HSPA12B: variants seen among roughly 807,000 people sequenced by gnomAD.
HSPA12B encodes heat shock 70 kDa protein 12B.
A neutral mutation model predicts 69.3 loss-of-function variants in HSPA12B; 54 were observed. The observed-to-expected ratio is 0.78, with a 90% CI of 0.63 to 0.98. HSPA12B has a LOEUF of 0.98. HSPA12B is among the 50% of genes least tolerant of loss of function. HSPA12B has a pLI of 0.00. For synonymous variants in HSPA12B, 441 were observed against 436.5 expected, an observed-to-expected ratio of 1.01 and a Z score of -0.13; for missense variants, 929 against 999.8, an observed-to-expected ratio of 0.93 and a Z score of 0.96.
Position 3,751,673 on chromosome 20 carries a change from G to A in HSPA12B, c.1568G>A (p.Gly523Asp). 2 of 1,511,264 alleles carry A rather than the reference G, an allele frequency of 1.3e-6. No individual in the cohort carries two copies. The highest frequency in any genetic ancestry group is 2.5e-5 in the South Asian group (2 of 81,316). 93.6% of individuals were successfully genotyped at this position (1,511,264 alleles called of 1,614,324 possible). ...PHDVGLTILK[G>D]AVLFGQAPGV... ...GACGTGGGCCTCACCATCCTCAAAG[G>A]CGCGGTGCTGTTCGGCCAGGCGCCG... The change falls in exon 13 of 13, where the codon GGC becomes GAC. Residue 523 changes from glycine to aspartate, a missense_variant. Coordinates refer to ENST00000254963, the MANE Select transcript of HSPA12B (RefSeq NM_052970.5).
At position 3,749,634 on chromosome 20, in the gene HSPA12B, C is replaced by T; in HGVS notation, c.938-116C>T. The T allele has an allele frequency of 2.7e-6, 2 of 753,372 alleles. No homozygotes were observed. Among genetic ancestry groups the T allele is most frequent in the Non-Finnish European group, 4.2e-6 (2 of 472,292 alleles). 46.7% of individuals were successfully genotyped at this position (753,372 alleles called of 1,614,324 possible). On this transcript the variant is annotated intron_variant, in intron 9 of 12. Transcript: ENST00000254963. The surrounding 1 kb of genome is among the most constrained non-coding windows in gnomAD (Gnocchi z 5.5). ...AAGCCCCTCACGTCCCTCCCCCGACCCTGCAGACAGGCCTTGGGACCCGGG... is the reference window on the plus strand; with the variant it reads ...AAGCCCCTCACGTCCCTCCCCCGACTCTGCAGACAGGCCTTGGGACCCGGG...
rs1387649600 is a variant in HSPA12B at position 3,748,210 on chromosome 20, T to C, written c.676-7T>C. On this transcript the variant is annotated splice_polypyrimidine_tract_variant and splice_region_variant and intron_variant, in intron 7 of 12. Transcript: ENST00000254963. ...GCTGCCTGACCCTGCCCACCACCCA[T>C]CCCCAGGCTGGACTAGTGTCCCGAG... is the stretch of plus-strand genomic sequence containing the variant. 6.5e-7 allele frequency: 1 copy of C among 1,543,076 alleles called. No individual in the cohort carries two copies. Among genetic ancestry groups the C allele is most frequent in the African/African-American group, 1.4e-5 (1 of 72,532 alleles).
chr20:3,744,970 A>AG lies in HSPA12B; in HGVS notation c.338dup (p.Ala114ArgfsTer15). On this transcript the variant is annotated frameshift_variant, in exon 5 of 13. Transcript: ENST00000254963. LOFTEE classifies it high-confidence loss of function. This position sits in a 1 kb window ranked among gnomAD's most constrained non-coding sequence, Gnocchi z 4.9. ...CCGACCTGCCTGCTGCTGACTCCGG[A>AG]GGGCGCCTTCCACAGCTTTGGCTAC... The AG allele has an allele frequency of 6.2e-7, 1 of 1,613,876 alleles. No individual in the cohort carries two copies. The highest frequency in any genetic ancestry group is 8.5e-7 in the Non-Finnish European group (1 of 1,180,026).
At chr20:3,747,855 CCAGCGCT>C (rs1568477789) in intron 7 of HSPA12B, among the ~76,000 whole-genome samples, 1 of 152,278 alleles carries the variant, frequency 6.6e-6, no homozygotes, top group Non-Finnish European at 1.5e-5. Context: ...ATACCCCCAG[CCAGCGCT>C]CAGCTGGCCG....
chr20:3,738,033 C>A (rs2088135661), intron 1 of HSPA12B, among the ~76,000 whole-genome samples: 1 of 152,030 alleles, frequency 6.6e-6, no homozygotes, highest in Non-Finnish European at 1.5e-5. Context: ...TGAGTCATGC[C>A]CCCACCCCAC....
chr20:3,745,447 G>T lies in HSPA12B; in HGVS notation c.454-46G>T, dbSNP rs1212893411. 7.3e-7 allele frequency: 1 copy of T among 1,370,534 alleles called. No individual in the cohort carries two copies. The highest frequency in any genetic ancestry group is 2.3e-5 in the East Asian group (1 of 43,674). The allele number at this position is 1,370,534 out of a possible 1,614,324, so 84.9% of individuals were successfully genotyped here. A position where few individuals can be genotyped will look rare whatever the true frequency, so the allele number is the denominator to read the frequency against. On this transcript the variant is annotated intron_variant, in intron 5 of 12. Coordinates refer to ENST00000254963, the MANE Select transcript of HSPA12B (RefSeq NM_052970.5). This position sits in a 1 kb window ranked among gnomAD's most constrained non-coding sequence, Gnocchi z 5.6. ...TAAGAGCGAGGTCGTCAGGAAATGA[G>T]TGCCAAGCTGAGGCCTCCTGCAGAG... is the stretch of plus-strand genomic sequence containing the variant.
rs41279392 is a variant in HSPA12B at position 3,753,043 on chromosome 20, C to G, written c.*877C>G. On this transcript the variant is annotated 3_prime_UTR_variant, in exon 13 of 13. Transcript: ENST00000254963. ...TGAAATGTCAGGCACTTCCCTCTAACTGGCATGCAACAGCCCCACCTGCCT... is the reference window on the plus strand; with the variant it reads ...TGAAATGTCAGGCACTTCCCTCTAAGTGGCATGCAACAGCCCCACCTGCCT... 1 of 153,266 alleles carries G rather than the reference C, an allele frequency of 6.5e-6. No homozygotes were observed. Among genetic ancestry groups the G allele is most frequent in the Non-Finnish European group, 1.5e-5 (1 of 68,082 alleles). The allele number at this position is 153,266 out of a possible 1,614,324, so 9.5% of individuals were successfully genotyped here.
In HSPA12B at chr20:3,745,457, G is replaced by A; in HGVS notation, c.454-36G>A. On this transcript the variant is annotated intron_variant, in intron 5 of 12. Transcript: ENST00000254963. This position sits in a 1 kb window ranked among gnomAD's most constrained non-coding sequence, Gnocchi z 5.6. ...GTCGTCAGGAAATGAGTGCCAAGCT[G>A]AGGCCTCCTGCAGAGCCGCCCTGTG... 7 of 1,479,320 alleles carry A rather than the reference G, an allele frequency of 4.7e-6. No homozygotes were observed. The highest frequency in any genetic ancestry group is 5.7e-6 in the Non-Finnish European group (6 of 1,057,234). 91.6% of individuals were successfully genotyped at this position (1,479,320 alleles called of 1,614,324 possible).
At chr20:3,738,390 C>T (rs2088141001) in intron 1 of HSPA12B, among the ~76,000 whole-genome samples, 1 of 152,154 alleles carries the variant, frequency 6.6e-6, no homozygotes, top group African/African-American at 2.4e-5. Context: ...TTTTTTGACA[C>T]AAGCTGGGAA....
rs776676878 is a variant in HSPA12B, at chr20:3,738,700, T to G, written c.26T>G (p.Leu9Arg). 10 of 1,614,174 alleles carry G rather than the reference T, an allele frequency of 6.2e-6. No individual in the cohort carries two copies. The highest frequency in any genetic ancestry group is 8.5e-6 in the Non-Finnish European group (10 of 1,180,026). The change falls in exon 2 of 13, where the codon CTG (leucine) becomes CGG (arginine). Residue 9 changes from leucine (L) to arginine (R), a missense_variant. This residue lies in a region of HSPA12B where 477 missense variants were observed against 535.2 expected (regional missense o/e 0.89). Coordinates refer to ENST00000254963, the MANE Select transcript of HSPA12B (RefSeq NM_052970.5). Reference sequence around the variant, plus strand: ...ATGTTGGCTGTCCCGGAGATGGGCCTGCAGGGGCTGTACATCGGTAAGAAC... The same window carrying G: ...ATGTTGGCTGTCCCGGAGATGGGCCGGCAGGGGCTGTACATCGGTAAGAAC... Reference protein sequence around the residue: MLAVPEMGLQGLYIGSSPE... With the variant: MLAVPEMGRQGLYIGSSPE...
In HSPA12B at chr20:3,745,115, G is replaced by A; in HGVS notation, c.453+27G>A. 6.3e-7 allele frequency: 1 copy of A among 1,597,790 alleles called. No homozygotes were observed. The highest frequency in any genetic ancestry group is 8.6e-7 in the Non-Finnish European group (1 of 1,168,500). On this transcript the variant is annotated intron_variant, in intron 5 of 12. Coordinates refer to ENST00000254963, the MANE Select transcript of HSPA12B (RefSeq NM_052970.5). This position sits in a 1 kb window ranked among gnomAD's most constrained non-coding sequence, Gnocchi z 5.6. ...TGAGTCACAGGGCTCCAGACAGGGAGGCGGGGCCAGCATGGAAAAGGGCAG... is the reference window on the plus strand; with the variant it reads ...TGAGTCACAGGGCTCCAGACAGGGAAGCGGGGCCAGCATGGAAAAGGGCAG...
In HSPA12B at chr20:3,750,804, C is replaced by T. The variant is rs753603589; in HGVS notation, c.1302C>T (p.Ser434=). 9 of 1,613,650 alleles carry T rather than the reference C, an allele frequency of 5.6e-6. No individual in the cohort carries two copies. In the African/African-American group the frequency reaches 9.3e-5, roughly 17 times the overall value. ...TATTTGCCCCTTTCACCACCAACAG[C>T]GTGAACTTCGTGAAGTGGTCCTCAC... is the stretch of plus-strand genomic sequence containing the variant. ...HNVETALRRS[S]VNFVKWSSQG... The change falls in exon 12 of 13, where the codon AGC becomes AGT. Residue 434 remains serine, a splice_region_variant and synonymous_variant. Transcript: ENST00000254963.
chr20:3,747,545 T>G (rs1322625332), intron 7 of HSPA12B, among the ~76,000 whole-genome samples: 1 of 152,212 alleles, frequency 6.6e-6, no homozygotes, highest in Non-Finnish European at 1.5e-5. Flanking sequence ...CTGGTCAGAA[T>G]CTGGGGAACC....
rs937607584 is a variant in HSPA12B at position 3,745,184 on chromosome 20, C to T, written c.453+96C>T. 2 of 1,147,868 alleles carry T rather than the reference C, an allele frequency of 1.7e-6. No homozygotes were observed. Among genetic ancestry groups the T allele is most frequent in the Admixed American group, 2.0e-5 (1 of 49,574 alleles). 71.1% of individuals were successfully genotyped at this position (1,147,868 alleles called of 1,614,324 possible). ...GGACAAAACCAAAACGTGTGAGGAC[C>T]GGCCCGATGGAGTCGTGGCTGAGAG... On this transcript the variant is annotated intron_variant, in intron 5 of 12. Coordinates refer to ENST00000254963, the MANE Select transcript of HSPA12B (RefSeq NM_052970.5). This position sits in a 1 kb window ranked among gnomAD's most constrained non-coding sequence, Gnocchi z 5.6.
intron 7 of HSPA12B, among the ~76,000 whole-genome samples, chr20:3,746,612 G>A (rs1185890456): frequency 6.6e-6 from 1 of 152,190 alleles, no homozygotes; most frequent in Non-Finnish European, 1.5e-5. Flanking sequence ...AAGATGGAGA[G>A]TCTTATATGT....
Position 3,749,716 on chromosome 20 carries a change from G to T in HSPA12B, c.938-34G>T, listed in dbSNP as rs1229756620. ...GGCGCAGGGCTGAGGGTGCGAGGCCGCCCACGAGTGTGTGCCCGCGCTCGC... is the reference window on the plus strand; with the variant it reads ...GGCGCAGGGCTGAGGGTGCGAGGCCTCCCACGAGTGTGTGCCCGCGCTCGC... On this transcript the variant is annotated intron_variant, in intron 9 of 12. Transcript: ENST00000254963. This position sits in a 1 kb window ranked among gnomAD's most constrained non-coding sequence, Gnocchi z 5.5. The T allele has an allele frequency of 6.8e-7, 1 of 1,472,788 alleles. No homozygotes were observed. Among genetic ancestry groups the T allele is most frequent in the Non-Finnish European group, 9.2e-7 (1 of 1,087,906 alleles). 91.2% of individuals were successfully genotyped at this position (1,472,788 alleles called of 1,614,324 possible). A position where few individuals can be genotyped will look rare whatever the true frequency, so the allele number is the denominator to read the frequency against.
chr20:3,737,078 A>G lies in HSPA12B; in HGVS notation c.-17-1580A>G, dbSNP rs1316167556. Among the ~76,000 whole-genome samples the G allele has an allele frequency of 9.1e-6, 1 of 109,540 alleles. No individual in the cohort carries two copies. Among genetic ancestry groups the G allele is most frequent in the Non-Finnish European group, 2.0e-5 (1 of 51,280 alleles). 71.9% of individuals were successfully genotyped at this position (109,540 alleles called of 152,430 possible). A position where few individuals can be genotyped will look rare whatever the true frequency, so the allele number is the denominator to read the frequency against. On this transcript the variant is annotated intron_variant, in intron 1 of 12. Transcript: ENST00000254963. The surrounding 1 kb of genome is among the most constrained non-coding windows in gnomAD (Gnocchi z 4.1). ...CTCAAAAATAAATAAATAAATAAATAAATAAATAAATAAATAAATAAATAA... is the reference window on the plus strand; with the variant it reads ...CTCAAAAATAAATAAATAAATAAATGAATAAATAAATAAATAAATAAATAA...
rs1022093884 is a variant in HSPA12B, at chr20:3,740,019, G to A, written c.44-796G>A. Among the ~76,000 whole-genome samples, 2 of 152,098 alleles carry A rather than the reference G, an allele frequency of 1.3e-5. No individual in the cohort carries two copies. Among genetic ancestry groups the A allele is most frequent in the Admixed American group, 6.5e-5 (1 of 15,270 alleles). On this transcript the variant is annotated intron_variant, in intron 2 of 12. Transcript: ENST00000254963. This position sits in a 1 kb window ranked among gnomAD's most constrained non-coding sequence, Gnocchi z 4.9. ...CTGCCCCATAAGCCGCCTGATCCTC[G>A]GGGCGAGGCCTGGGGCTGTCCTCCA...
At chr20:3,751,455 C>A in intron 12 of HSPA12B, 56 bp from the exon 13 acceptor site, 2 of 1,368,006 alleles carry the variant, frequency 1.5e-6, no homozygotes, top group Non-Finnish European at 1.9e-6. Context: ...GGCTCTCTCT[C>A]CCCCGCCCCT....
Sources: allele counts gnomAD v4.1 joint callset (sites outside exome capture counted in the v4.1 genomes callset), GRCh38; gene constraint gnomAD v4.1.1; regional missense constraint gnomAD v4.1.1; non-coding constraint Gnocchi (gnomAD v3.1); transcripts MANE v1.5; gene names NCBI Gene and HGNC (gene_info 2026-07-23, HGNC 2026-07-21).